Variants in ARID3A observed in about 807,000 individuals in gnomAD.
The protein encoded by ARID3A is AT-rich interactive domain-containing protein 3A.
ARID3A carries 11 observed loss-of-function variants against 52.7 expected under a neutral mutation model. That is an observed-to-expected ratio of 0.21 (90% CI 0.13 to 0.35). The LOEUF is 0.35. ARID3A is among the 10% of genes least tolerant of loss of function. The pLI is 1.00. For synonymous variants in ARID3A, 404 were observed against 359.4 expected (o/e 1.12, Z -1.40); for missense variants, 721 against 838.5 (o/e 0.86, Z 1.73).
rs1290758442 is a variant in ARID3A, at chr19:941,826, GTA to G, written c.693+9086_693+9087del. Among the ~76,000 whole-genome samples, 6 of 116,870 alleles carry G rather than the reference GTA, an allele frequency of 5.1e-5. No individual in the cohort carries two copies. The highest frequency in any genetic ancestry group is 1.1e-4 in the Non-Finnish European group (6 of 57,028). The allele number at this position is 116,870 out of a possible 152,430, so 76.7% of individuals were successfully genotyped here. A position where few individuals can be genotyped will look rare whatever the true frequency, so the allele number is the denominator to read the frequency against. On this transcript the variant is annotated intron_variant, in intron 3 of 8. Transcript: ENST00000263620. This position sits in a 1 kb window ranked among gnomAD's most constrained non-coding sequence, Gnocchi z 6.9. ...GTGTGTGTCAGGGGTGGCTGCAAGC[GTA>G]TGTGTGTGTGCACGTCGAGGCTGGA... is the stretch of plus-strand genomic sequence containing the variant.
chr19:928,644 T>G (rs1178334197), intron 1 of ARID3A: 1 of 152,240 alleles, frequency 6.6e-6, no homozygotes, highest in Non-Finnish European at 1.5e-5. Flanking sequence ...TGACACCTGT[T>G]GGTGCCCACC....
rs942695795 is a variant in ARID3A at position 959,085 on chromosome 19, CTGTT to C, written c.694-1004_694-1001del. ...CCACCCGTGAGGTGTGTGTGACTCA[CTGTT>C]TGATGTTCACACTGACGAAATCACC... On this transcript the variant is annotated intron_variant, in intron 3 of 8. Transcript: ENST00000263620. This position sits in a 1 kb window ranked among gnomAD's most constrained non-coding sequence, Gnocchi z 5.0. 1.3e-5 allele frequency among the ~76,000 whole-genome samples: 2 copies of C among 152,150 alleles called. No individual in the cohort carries two copies. Among genetic ancestry groups the C allele is most frequent in the Non-Finnish European group, 2.9e-5 (2 of 68,032 alleles).
At chr19:971,734 C>A in intron 8 of ARID3A, 144 bp from the exon 9 acceptor site, 2 of 1,081,370 alleles carry the variant, frequency 1.8e-6, no homozygotes, top group Non-Finnish European at 1.3e-6. Flanking sequence ...CTGCAGTGAG[C>A]TCTGATGCCA....
intron 4 of ARID3A, among the ~76,000 whole-genome samples, chr19:963,737 G>A (rs1014488597): frequency 2.6e-5 from 4 of 152,020 alleles, no homozygotes; most frequent in Non-Finnish European, 4.4e-5. Flanking sequence ...CCCCCATGTC[G>A]GGGCTAGCCC....
Position 931,595 on chromosome 19 carries a change from G to A in ARID3A, c.369-823G>A, listed in dbSNP as rs181474290. 3.3e-4 allele frequency among the ~76,000 whole-genome samples: 50 copies of A among 152,182 alleles called. No homozygotes were observed. In the East Asian group the frequency reaches 9.1e-3, roughly 28 times the overall value. ...TGGGAGGCCGAGGTGGGCGGATCAC[G>A]AGGTCAGGAGATCGAGACCATCCTG... On this transcript the variant is annotated intron_variant, in intron 2 of 8. Transcript: ENST00000263620.
rs2038341584 is a variant in ARID3A at position 974,485 on chromosome 19, T to A, written c.*2420T>A. On this transcript the variant is annotated 3_prime_UTR_variant, in exon 9 of 9. Transcript: ENST00000263620. Reference sequence around the variant, plus strand: ...TCTCCCGGGACCCCCGTCCCACGCCTGGGCCCCGCGCCGGGGGAAGCGCCT... The same window carrying A: ...TCTCCCGGGACCCCCGTCCCACGCCAGGGCCCCGCGCCGGGGGAAGCGCCT... The A allele has an allele frequency of 8.7e-6, 2 of 230,530 alleles. No individual in the cohort carries two copies. Among genetic ancestry groups the A allele is most frequent in the South Asian group, 1.8e-4 (1 of 5,504 alleles). 14.3% of individuals were successfully genotyped at this position (230,530 alleles called of 1,614,324 possible).
intron 8 of ARID3A, 150 bp from the exon 9 acceptor site, chr19:971,728 A>G (rs773107067): frequency 2.0e-6 from 2 of 1,002,824 alleles, no homozygotes; most frequent in Non-Finnish European, 2.8e-6. Flanking sequence ...TTGAGGCTGC[A>G]GTGAGCTCTG....
intron 2 of ARID3A, among the ~76,000 whole-genome samples, chr19:931,999 C>T (rs957740922): frequency 4.6e-5 from 7 of 151,558 alleles, no homozygotes; most frequent in Non-Finnish European, 7.4e-5. Context: ...CGTAATGATT[C>T]CCTTTTTTTT....
At position 974,722 on chromosome 19, in the gene ARID3A, C is replaced by T. The variant is rs2038346427; in HGVS notation, c.*2657C>T. 8.6e-6 allele frequency: 2 copies of T among 231,630 alleles called. No homozygotes were observed. Among genetic ancestry groups the T allele is most frequent in the South Asian group, 3.6e-4 (2 of 5,548 alleles). 14.3% of individuals were successfully genotyped at this position (231,630 alleles called of 1,614,324 possible). On this transcript the variant is annotated 3_prime_UTR_variant, in exon 9 of 9. Coordinates refer to ENST00000263620, the MANE Select transcript of ARID3A (RefSeq NM_005224.3). ...GGCCGTGCAGGGTCGAGGGCTGGGT[C>T]GTCTCCCTCGGGCTGCGTGTGTGTG...
rs533720923 is a variant in ARID3A, at chr19:929,481, CGTGGTG to C, written c.-22_-17del. On this transcript the variant is annotated 5_prime_UTR_variant, in exon 2 of 9. Coordinates refer to ENST00000263620, the MANE Select transcript of ARID3A (RefSeq NM_005224.3). This position sits in a 1 kb window ranked among gnomAD's most constrained non-coding sequence, Gnocchi z 6.2. ...GCCCCCGCCGCCCACCCCTAGCGCC[CGTGGTG>C]GTGGTGGTGGTGGTGGTGGTGGTGG... is the stretch of plus-strand genomic sequence containing the variant. The C allele has an allele frequency of 7.2e-4, 1,004 of 1,391,752 alleles. 7 individuals carry two copies. In the African/African-American group the frequency reaches 0.013, roughly 19 times the overall value. 86.2% of individuals were successfully genotyped at this position (1,391,752 alleles called of 1,614,324 possible). A position where few individuals can be genotyped will look rare whatever the true frequency, so the allele number is the denominator to read the frequency against.
chr19:971,949 G>GCAGCA lies in ARID3A; in HGVS notation c.1666_1667insCAGCA (p.Gly556AlafsTer110), dbSNP rs1555732474. ...CAACAAAGGAGGCGGCGGCGGCGGC[G>GCAGCA]GCAGCAGCAGCAACGCAGGCGGCCG... On this transcript the variant is annotated frameshift_variant, in exon 9 of 9. Coordinates refer to ENST00000263620, the MANE Select transcript of ARID3A (RefSeq NM_005224.3). LOFTEE classifies it low-confidence loss of function (END_TRUNC). The GCAGCA allele has an allele frequency of 5.1e-6, 8 of 1,580,760 alleles. No individual in the cohort carries two copies. Among genetic ancestry groups the GCAGCA allele is most frequent in the African/African-American group, 4.2e-5 (3 of 71,998 alleles).
At chr19:936,903 G>A (rs977564512) in intron 3 of ARID3A, among the ~76,000 whole-genome samples, 2 of 151,838 alleles carry the variant, frequency 1.3e-5, no homozygotes, top group Non-Finnish European at 1.5e-5. Context: ...CTACCAGCAC[G>A]CCCCAGCCCC....
Position 944,533 on chromosome 19 carries a change from TC to T in ARID3A, c.693+11793del, listed in dbSNP as rs904555509. ...CGCTCACTGCTACAAATGTGGGTCT[TC>T]CGGGCAAGTGAGCGTCCCCCACCCA... is the stretch of plus-strand genomic sequence containing the variant. On this transcript the variant is annotated intron_variant, in intron 3 of 8. Transcript: ENST00000263620. This position sits in a 1 kb window ranked among gnomAD's most constrained non-coding sequence, Gnocchi z 5.9. Among the ~76,000 whole-genome samples, 9 of 152,124 alleles carry T rather than the reference TC, an allele frequency of 5.9e-5. No homozygotes were observed. Among genetic ancestry groups the T allele is most frequent in the African/African-American group, 2.2e-4 (9 of 41,434 alleles).
Position 933,860 on chromosome 19 carries a change from G to A in ARID3A, c.693+1118G>A, listed in dbSNP as rs553690009. 1.6e-3 allele frequency among the ~76,000 whole-genome samples: 235 copies of A among 147,740 alleles called. 5 individuals carry two copies. The highest frequency in any genetic ancestry group is 5.5e-3 in the African/African-American group (217 of 39,720). On this transcript the variant is annotated intron_variant, in intron 3 of 8. Coordinates refer to ENST00000263620, the MANE Select transcript of ARID3A (RefSeq NM_005224.3). ...CGGGGACTCGGTGGGGGGGGGGGGC[G>A]TCTCGCTGATTCCACCCTGCTCTGT...
chr19:929,450 G>T lies in ARID3A; in HGVS notation c.-79G>T. On this transcript the variant is annotated 5_prime_UTR_variant, in exon 2 of 9. It adds an upstream start codon to the 5' untranslated region. Coordinates refer to ENST00000263620, the MANE Select transcript of ARID3A (RefSeq NM_005224.3). This position sits in a 1 kb window ranked among gnomAD's most constrained non-coding sequence, Gnocchi z 6.2. ...AGTGCGGCCGGGCCCCCTCCCCGCA[G>T]GGGCCGCCCCCGCCGCCCACCCCTA... The T allele has an allele frequency of 8.6e-7, 1 of 1,156,410 alleles. No homozygotes were observed. The highest frequency in any genetic ancestry group is 1.1e-6 in the Non-Finnish European group (1 of 919,242). The allele number at this position is 1,156,410 out of a possible 1,614,324, so 71.6% of individuals were successfully genotyped here. A position where few individuals can be genotyped will look rare whatever the true frequency, so the allele number is the denominator to read the frequency against.
chr19:970,734 A>G (rs1049759369), intron 8 of ARID3A, among the ~76,000 whole-genome samples: 1 of 151,948 alleles, frequency 6.6e-6, no homozygotes, highest in African/African-American at 2.4e-5. Flanking sequence ...TGGCCTCCCA[A>G]AGTGCTGGGA....
Position 946,958 on chromosome 19 carries a change from A to AT in ARID3A, c.694-13117dup, listed in dbSNP as rs111913470. ...ACAGGTGCGCCACTATGCCTGGCTA[A>AT]TTTTTTTTTTTTTTTTTGTAAAAAC... On this transcript the variant is annotated intron_variant, in intron 3 of 8. Coordinates refer to ENST00000263620, the MANE Select transcript of ARID3A (RefSeq NM_005224.3). Among the ~76,000 whole-genome samples the AT allele has an allele frequency of 8.0e-3, 1,110 of 139,018 alleles. 10 individuals carry two copies. The highest frequency in any genetic ancestry group is 0.038 in the South Asian group (163 of 4,338). The allele number at this position is 139,018 out of a possible 152,430, so 91.2% of individuals were successfully genotyped here. A position where few individuals can be genotyped will look rare whatever the true frequency, so the allele number is the denominator to read the frequency against.
At position 966,811 on chromosome 19, in the gene ARID3A, C is replaced by A. The variant is rs759076550; in HGVS notation, c.1438C>A (p.Gln480Lys). Reference sequence around the variant, plus strand: ...ACGGCTGATGCAACGTGCACTCCAGCAGAACTTCCTGGCCATGGCGGCCCA... The same window carrying A: ...ACGGCTGATGCAACGTGCACTCCAGAAGAACTTCCTGGCCATGGCGGCCCA... ...QQRLMQRALQ[Q>K]NFLAMAAQLP... is the part of the protein sequence containing the mutation. The change falls in exon 7 of 9, where the codon CAG becomes AAG. Residue 480 changes from glutamine (Q) to lysine (K), a missense_variant. By Grantham distance (53) the Gln-to-Lys change is moderately conservative. This residue lies in a region of ARID3A where 297 missense variants were observed against 343.2 expected (regional missense o/e 0.87). Coordinates refer to ENST00000263620, the MANE Select transcript of ARID3A (RefSeq NM_005224.3). 1.2e-6 allele frequency: 2 copies of A among 1,613,590 alleles called. No individual in the cohort carries two copies. The highest frequency in any genetic ancestry group is 1.7e-6 in the Non-Finnish European group (2 of 1,179,902).
In ARID3A at chr19:959,539, G is replaced by A. The variant is rs1055924357; in HGVS notation, c.694-553G>A. Among the ~76,000 whole-genome samples, 1 of 152,140 alleles carries A rather than the reference G, an allele frequency of 6.6e-6. No individual in the cohort carries two copies. Among genetic ancestry groups the A allele is most frequent in the African/African-American group, 2.4e-5 (1 of 41,438 alleles). On this transcript the variant is annotated intron_variant, in intron 3 of 8. Transcript: ENST00000263620. This position sits in a 1 kb window ranked among gnomAD's most constrained non-coding sequence, Gnocchi z 5.0. ...CGATTCACCCGCCTCCCAAGGTGCT[G>A]GGATTACAGGTGTGAGCCGCCACCC...
Sources: gnomAD v4.1 joint callset for allele counts (sites outside exome capture counted in the v4.1 genomes callset) on GRCh38, gnomAD v4.1.1 for gene constraint, gnomAD v4.1.1 regional missense constraint, Gnocchi (gnomAD v3.1) non-coding constraint, MANE v1.5 for transcripts, NCBI Gene and HGNC (gene_info 2026-07-23, HGNC 2026-07-21) for gene names.